ROCK1: variants seen among roughly 807,000 people sequenced by gnomAD.
ROCK1 encodes the protein rho-associated protein kinase 1.
ROCK1 carries 36 observed loss-of-function variants against 196.8 expected under a neutral mutation model. The ratio of observed to expected loss-of-function variants is 0.18; its 90% confidence interval spans 0.14 to 0.24. ROCK1 has a LOEUF of 0.24. Ranked by LOEUF, ROCK1 falls within the 10% of genes least tolerant of loss-of-function variation. The pLI is 1.00. For missense variants in ROCK1, 920 were observed against 1,562.0 expected (o/e 0.59, Z 6.93); for synonymous variants, 443 against 515.9 (o/e 0.86, Z 1.91).
chr18:21,001,442 T>C (rs2035723160), intron 16 of ROCK1, among the ~76,000 whole-genome samples: 1 of 152,100 alleles, frequency 6.6e-6, no homozygotes, highest in Non-Finnish European at 1.5e-5. Flanking sequence ...TCACCTTAAT[T>C]AAAAAATATA....
At chr18:20,986,860 A>C in intron 19 of ROCK1, 90 bp downstream of exon 19, 2 of 1,138,466 alleles carry the variant, frequency 1.8e-6, no homozygotes, top group Non-Finnish European at 1.2e-6. Flanking sequence ...AATCTCCTTC[A>C]TGGTGTTTAA....
intron 2 of ROCK1, among the ~76,000 whole-genome samples, chr18:21,059,144 C>T (rs1274139062): frequency 2.6e-5 from 4 of 152,238 alleles, no homozygotes; most frequent in Non-Finnish European, 4.4e-5. Context: ...TAAGATACTC[C>T]CCACAACCAT....
intron 9 of ROCK1, among the ~76,000 whole-genome samples, chr18:21,034,207 TAAGATG>T (rs1244844240): frequency 6.6e-6 from 1 of 152,098 alleles, no homozygotes; most frequent in Admixed American, 6.6e-5. Context: ...ATAACATTGT[TAAGATG>T]ATAATACTAC....
rs1325324317 is a variant in ROCK1, at chr18:20,949,176, A to C, written c.*2208T>G. 1 of 152,118 alleles carries C rather than the reference A, an allele frequency of 6.6e-6. No individual in the cohort carries two copies. The highest frequency in any genetic ancestry group is 1.5e-5 in the Non-Finnish European group (1 of 68,016). 9.4% of individuals were successfully genotyped at this position (152,118 alleles called of 1,614,324 possible). A position where few individuals can be genotyped will look rare whatever the true frequency, so the allele number is the denominator to read the frequency against. On this transcript the variant is annotated 3_prime_UTR_variant, in exon 33 of 33. Coordinates refer to ENST00000399799, the MANE Select transcript of ROCK1 (RefSeq NM_005406.3). ...GGAAAGTCTTCTCTTGCTTAAACTA[A>C]TTAGAATTAACTCTGTTCTCTGCAA...
chr18:21,033,623 T>C (rs935234465), intron 9 of ROCK1, among the ~76,000 whole-genome samples: 7 of 151,694 alleles, frequency 4.6e-5, no homozygotes, highest in Non-Finnish European at 1.0e-4. Flanking sequence ...AATAGACAAA[T>C]TCAACAAAAT....
chr18:21,045,024 G>GT (rs74173710), intron 5 of ROCK1: 1,574 of 153,156 alleles, frequency 0.01, 11 homozygotes, highest in South Asian at 0.039. Context: ...CCACACCTGT[G>GT]TTTTTTTTTT....
intron 13 of ROCK1, among the ~76,000 whole-genome samples, chr18:21,012,190 A>G (rs2035825185): frequency 6.6e-6 from 1 of 152,156 alleles, no homozygotes; most frequent in African/African-American, 2.4e-5. Flanking sequence ...GCATCAAGTG[A>G]TCTGCTCGCC....
chr18:21,102,199 G>A (rs1304462653), intron 1 of ROCK1, among the ~76,000 whole-genome samples: 1 of 152,052 alleles, frequency 6.6e-6, no homozygotes, highest in East Asian at 1.9e-4. Flanking sequence ...TTGTGATTTT[G>A]TTTGTCTACG....
In ROCK1 at chr18:20,992,937, G is replaced by A; in HGVS notation, c.1886C>T (p.Ala629Val). The change falls in exon 17 of 33, where the codon GCT becomes GTT. Residue 629 changes from alanine to valine, a missense_variant and splice_region_variant. Around this residue, in one of 6 missense-constraint regions of ROCK1, gnomAD observed 520 missense variants for 657.1 expected, o/e 0.79. Transcript: ENST00000399799. Reference sequence around the variant, plus strand: ...CTCCTCTTGTAAAGATGTAATTCGAGCTATCAAGTGAGAAAAAAGTTCAAG... The same window carrying A: ...CTCCTCTTGTAAAGATGTAATTCGAACTATCAAGTGAGAAAAAAGTTCAAG... ...HDSEMIGDLQ[A>V]RITSLQEEVK... 6.3e-7 allele frequency: 1 copy of A among 1,594,782 alleles called. No homozygotes were observed. The highest frequency in any genetic ancestry group is 8.6e-7 in the Non-Finnish European group (1 of 1,164,136).
intron 1 of ROCK1, among the ~76,000 whole-genome samples, chr18:21,101,969 TA>T (rs1182942614): frequency 2.0e-5 from 3 of 152,148 alleles, no homozygotes; most frequent in Non-Finnish European, 4.4e-5. Flanking sequence ...AAAGGGTGAT[TA>T]ATGAAATCAA....
intron 1 of ROCK1, among the ~76,000 whole-genome samples, chr18:21,089,376 T>C (rs1434630448): frequency 6.6e-6 from 1 of 152,156 alleles, no homozygotes; most frequent in African/African-American, 2.4e-5. Flanking sequence ...TTTTTTTAAT[T>C]GGGAAGAAGA....
chr18:21,106,771 T>C (rs1463433132), intron 1 of ROCK1, among the ~76,000 whole-genome samples: 1 of 152,220 alleles, frequency 6.6e-6, no homozygotes. Context: ...ATAATGTATC[T>C]TAGTATTTGC....
At chr18:20,974,561 A>G (rs2035461264) in intron 22 of ROCK1, among the ~76,000 whole-genome samples, 1 of 152,188 alleles carries the variant, frequency 6.6e-6, no homozygotes, top group Non-Finnish European at 1.5e-5. Flanking sequence ...TCAGGGTAAA[A>G]TTACCTGCAT....
chr18:20,964,222 A>G (rs1261716516), intron 27 of ROCK1, among the ~76,000 whole-genome samples: 1 of 152,168 alleles, frequency 6.6e-6, no homozygotes, highest in Non-Finnish European at 1.5e-5. Flanking sequence ...TCTCCTTTTT[A>G]GTACGTATAT....
At chr18:21,058,767 C>A (rs1205402252) in intron 2 of ROCK1, among the ~76,000 whole-genome samples, 2 of 152,062 alleles carry the variant, frequency 1.3e-5, no homozygotes, top group Non-Finnish European at 2.9e-5. Context: ...TTTGCAGAGA[C>A]ACAGTTTTGC....
chr18:20,984,170 C>T (rs2035557743), intron 20 of ROCK1, among the ~76,000 whole-genome samples, 181 bp downstream of exon 20: 1 of 152,120 alleles, frequency 6.6e-6, no homozygotes, highest in African/African-American at 2.4e-5. Context: ...AAACTGTGGT[C>T]TTTCCAAAGC....
chr18:21,042,884 T>C (rs968217224), intron 6 of ROCK1, among the ~76,000 whole-genome samples, 175 bp from the exon 7 acceptor site: 1 of 152,124 alleles, frequency 6.6e-6, no homozygotes, highest in African/African-American at 2.4e-5. Context: ...TATATATACA[T>C]ACTATATACA....
chr18:21,081,539 C>T (rs562872554), intron 1 of ROCK1, among the ~76,000 whole-genome samples: 19 of 151,998 alleles, frequency 1.3e-4, no homozygotes, highest in Non-Finnish European at 2.6e-4. Context: ...AAATAAAACA[C>T]AGAATAGGAA....
chr18:21,082,559 TAATAG>T (rs2036491816), intron 1 of ROCK1, among the ~76,000 whole-genome samples: 1 of 152,166 alleles, frequency 6.6e-6, no homozygotes, highest in South Asian at 2.1e-4. Context: ...TCTACCACAT[TAATAG>T]AATAAAGGAC....
Sources: gnomAD v4.1 joint callset for allele counts (sites outside exome capture counted in the v4.1 genomes callset) on GRCh38, gnomAD v4.1.1 for gene constraint, gnomAD v4.1.1 regional missense constraint, MANE v1.5 for transcripts, NCBI Gene and HGNC (gene_info 2026-07-23, HGNC 2026-07-21) for gene names.